Variants in DRD2 observed in about 807,000 individuals in gnomAD.
DRD2 encodes dopamine receptor D2.
In DRD2, 8 loss-of-function variants were observed where a neutral mutation model predicts 38.0. The observed-to-expected ratio is 0.21, with a 90% CI of 0.12 to 0.38. The LOEUF (loss-of-function observed/expected upper bound fraction) is 0.38. Ranked by LOEUF, DRD2 falls within the 10% of genes least tolerant of loss-of-function variation. DRD2 has a pLI of 1.00. For synonymous variants in DRD2, 230 were observed against 238.6 expected, an observed-to-expected ratio of 0.96 and a Z score of 0.33; for missense variants, 403 against 607.7, an observed-to-expected ratio of 0.66 and a Z score of 3.54.
In DRD2 at chr11:113,448,026, C is replaced by T. The variant is rs900383225; in HGVS notation, c.-31-23344G>A. ...TCTGAGGCCATGATGAAGGTAAGAT[C>T]CCACAAAGGGATACTGAGGGGGCTC... On this transcript the variant is annotated intron_variant, in intron 1 of 7. Transcript: ENST00000362072. Among the ~76,000 whole-genome samples, 4 of 152,174 alleles carry T rather than the reference C, an allele frequency of 2.6e-5. No individual in the cohort carries two copies. The South Asian group carries it at 6.2e-4, about 24-fold the overall frequency.
intron 1 of DRD2, among the ~76,000 whole-genome samples, chr11:113,433,035 G>A (rs1951003525): frequency 6.6e-6 from 1 of 152,230 alleles, no homozygotes; most frequent in African/African-American, 2.4e-5. Context: ...GGAGTGGGTA[G>A]ATGGACAGGC....
At chr11:113,418,744 G>A (rs184991515) in intron 2 of DRD2, among the ~76,000 whole-genome samples, 69 of 152,214 alleles carry the variant, frequency 4.5e-4, no homozygotes, top group African/African-American at 1.5e-3. Flanking sequence ...GATCACCCCT[G>A]TAGCCCAAAG....
chr11:113,437,008 T>C (rs939723879), intron 1 of DRD2, among the ~76,000 whole-genome samples: 1 of 152,160 alleles, frequency 6.6e-6, no homozygotes, highest in Non-Finnish European at 1.5e-5. Context: ...TCTCATGACA[T>C]AACAGCTTTG....
Position 113,410,625 on chromosome 11 carries a change from G to T in DRD2, c.*102C>A. On this transcript the variant is annotated 3_prime_UTR_variant, in exon 8 of 8. Transcript: ENST00000362072. ...CAGGGCCTGCCGGGGTGAAGAGGAG[G>T]CCGATCCACCCAGGCCTTCCTGCTC... The T allele has an allele frequency of 6.9e-7, 1 of 1,454,046 alleles. No homozygotes were observed. Among genetic ancestry groups the T allele is most frequent in the Non-Finnish European group, 9.6e-7 (1 of 1,038,222 alleles). The allele number at this position is 1,454,046 out of a possible 1,614,324, so 90.1% of individuals were successfully genotyped here. A position where few individuals can be genotyped will look rare whatever the true frequency, so the allele number is the denominator to read the frequency against.
rs185063607 is a variant in DRD2, at chr11:113,457,801, G to T, written c.-32+17275C>A. Reference sequence around the variant, plus strand: ...AGCTGTTAGCTTGATGCTTGTCCTGGTCCCTCTGCAGGTAGCAGTTGCAAT... The same window carrying T: ...AGCTGTTAGCTTGATGCTTGTCCTGTTCCCTCTGCAGGTAGCAGTTGCAAT... On this transcript the variant is annotated intron_variant, in intron 1 of 7. Transcript: ENST00000362072. Among the ~76,000 whole-genome samples, 20 of 152,356 alleles carry T rather than the reference G, an allele frequency of 1.3e-4. No homozygotes were observed. The East Asian group carries it at 3.9e-3, about 29-fold the overall frequency.
chr11:113,424,843 T>G, intron 1 of DRD2, 161 bp from the exon 2 acceptor site: 1 of 702,056 alleles, frequency 1.4e-6, no homozygotes, highest in Non-Finnish European at 2.3e-6. Context: ...CTTCTGCCAC[T>G]CTTTTGCTAG....
chr11:113,424,566 G>A lies in DRD2; in HGVS notation c.86C>T (p.Ala29Val), dbSNP rs368119402. 36 of 1,614,082 alleles carry A rather than the reference G, an allele frequency of 2.2e-5. No homozygotes were observed. Among genetic ancestry groups the A allele is most frequent in the East Asian group, 2.2e-4 (10 of 44,900 alleles). Residue 29 changes from alanine to valine, a missense_variant, in exon 2 of 8, where the codon GCG (alanine) becomes GTG (valine). Around this residue, in one of 4 missense-constraint regions of DRD2, gnomAD observed 162 missense variants for 254.5 expected, o/e 0.64. Coordinates refer to ENST00000362072, the MANE Select transcript of DRD2 (RefSeq NM_000795.4). The stretch of plus-strand genomic sequence containing the variant: ...ATAGTAGTTGTAGTGGGGTCTGTCC[G>A]CCTTCCCGTCTGACCCGTTGAAGGG... ...SRPFNGSDGK[A>V]DRPHYNYYAT...
intron 1 of DRD2, among the ~76,000 whole-genome samples, chr11:113,452,461 TGTGTGTGTGCGCGCGCGC>T (rs920021201): frequency 4.5e-4 from 40 of 89,674 alleles, no homozygotes; most frequent in East Asian, 8.6e-4. Context: ...TGTGTGTGTG[TGTGTGTGTGCGCGCGCGC>T]GCGCGCGCAC....
intron 1 of DRD2, 68 bp from the exon 2 acceptor site, chr11:113,424,750 C>A (rs113342604): frequency 6.3e-6 from 9 of 1,436,432 alleles, no homozygotes; most frequent in Middle Eastern, 1.8e-4. Context: ...AGGAAGAAGA[C>A]CAACTCCTGG....
rs150781651 is a variant in DRD2, at chr11:113,452,469, TGCGC to T, written c.-32+22603_-32+22606del. 6.8e-3 allele frequency among the ~76,000 whole-genome samples: 805 copies of T among 118,808 alleles called. 5 individuals are homozygous for T. The highest frequency in any genetic ancestry group is 0.011 in the African/African-American group (293 of 27,742). The allele number at this position is 118,808 out of a possible 152,430, so 77.9% of individuals were successfully genotyped here. ...GTGTGTGTGTGTGTGTGTGTGTGTG[TGCGC>T]GCGCGCGCGCGCGCACATTGGGGGA... is the stretch of plus-strand genomic sequence containing the variant. On this transcript the variant is annotated intron_variant, in intron 1 of 7. Transcript: ENST00000362072.
At chr11:113,458,228 C>T (rs924819974) in intron 1 of DRD2, among the ~76,000 whole-genome samples, 1 of 152,182 alleles carries the variant, frequency 6.6e-6, no homozygotes, top group African/African-American at 2.4e-5. Context: ...AGTGTATGGG[C>T]TTTTGTTTTT....
chr11:113,427,354 C>T (rs1246014006), intron 1 of DRD2, among the ~76,000 whole-genome samples: 2 of 152,074 alleles, frequency 1.3e-5, no homozygotes, highest in African/African-American at 4.8e-5. Context: ...CCACCCATAT[C>T]CTCCTGCCTG....
chr11:113,434,671 A>G (rs1196070474), intron 1 of DRD2, among the ~76,000 whole-genome samples: 1 of 152,238 alleles, frequency 6.6e-6, no homozygotes, highest in Non-Finnish European at 1.5e-5. Context: ...AGAAAAGCAC[A>G]GAGCTGGTAG....
intron 1 of DRD2, among the ~76,000 whole-genome samples, chr11:113,459,308 T>A (rs935139606): frequency 6.6e-6 from 1 of 152,228 alleles, no homozygotes; most frequent in African/African-American, 2.4e-5. Flanking sequence ...ATAGAATATG[T>A]GTTTTAAAGC....
chr11:113,468,413 C>T (rs925901312), intron 1 of DRD2, among the ~76,000 whole-genome samples: 6 of 152,200 alleles, frequency 3.9e-5, no homozygotes, highest in East Asian at 1.9e-4. Flanking sequence ...GAGGTGAACA[C>T]GATTATTACA....
chr11:113,415,896 G>C (rs1202526263), intron 4 of DRD2, among the ~76,000 whole-genome samples: 2 of 152,216 alleles, frequency 1.3e-5, no homozygotes, highest in Admixed American at 1.3e-4. Context: ...GTTTTGCCAT[G>C]TCTGGGCATA....
At chr11:113,429,435 C>T (rs1485692532) in intron 1 of DRD2, among the ~76,000 whole-genome samples, 3 of 152,014 alleles carry the variant, frequency 2.0e-5, no homozygotes, top group African/African-American at 4.8e-5. Flanking sequence ...TTAGTAGAGA[C>T]GGGGTTTCAC....
intron 1 of DRD2, among the ~76,000 whole-genome samples, chr11:113,426,211 G>A (rs1950940446): frequency 6.6e-6 from 1 of 151,998 alleles, no homozygotes; most frequent in Admixed American, 6.6e-5. Flanking sequence ...GGGACAAGCA[G>A]GGAGATAAGG....
intron 3 of DRD2, 103 bp from the exon 4 acceptor site, chr11:113,417,102 T>C (rs1950835123): frequency 2.7e-6 from 4 of 1,478,556 alleles, no homozygotes; most frequent in Admixed American, 2.1e-5. Context: ...GGCTAAACAG[T>C]TGACACACCT....
Sources: gnomAD v4.1 joint callset for allele counts (sites outside exome capture counted in the v4.1 genomes callset) on GRCh38, gnomAD v4.1.1 for gene constraint, gnomAD v4.1.1 regional missense constraint, MANE v1.5 for transcripts, NCBI Gene and HGNC (gene_info 2026-07-23, HGNC 2026-07-21) for gene names.